Variants in RBFOX1 observed in about 807,000 individuals in gnomAD.
RBFOX1 encodes the protein RNA binding fox-1 homolog 1, also known as RNA binding protein fox-1 homolog 1.
In RBFOX1, 8 loss-of-function variants were observed where a neutral mutation model predicts 57.7. The observed-to-expected ratio is 0.14, with a 90% CI of 0.08 to 0.25. The LOEUF is 0.25. Among genes scored for constraint, RBFOX1 ranks in the 10% least tolerant of loss-of-function variants. The pLI is 1.00. For synonymous variants in RBFOX1, 326 were observed against 222.4 expected (o/e 1.47, Z -4.15); for missense variants, 611 against 548.5 (o/e 1.11, Z -1.14).
chr16:5,264,645 C>G (rs1240624596), intron 1 of RBFOX1, among the ~76,000 whole-genome samples: 1 of 151,890 alleles, frequency 6.6e-6, no homozygotes, highest in Non-Finnish European at 1.5e-5. Flanking sequence ...GTCATGTATC[C>G]AATTCTCCTG....
At chr16:6,337,198 C>G (rs1453674928) in intron 2 of RBFOX1, among the ~76,000 whole-genome samples, 1 of 152,136 alleles carries the variant, frequency 6.6e-6, no homozygotes, top group Non-Finnish European at 1.5e-5. Flanking sequence ...GTTGATTCCC[C>G]TTTTCTCTCA....
rs1034986 is a variant in RBFOX1 at position 7,510,355 on chromosome 16, G to A, written c.28-7792G>A. The A allele has an allele frequency of 1.0e-3, 997 of 983,940 alleles. 21 individuals carry two copies. The East Asian group carries it at 0.065, about 64-fold the overall frequency. The allele number at this position is 983,940 out of a possible 1,614,324, so 61.0% of individuals were successfully genotyped here. On this transcript the variant is annotated intron_variant, in intron 4 of 15. Coordinates refer to ENST00000550418, the MANE Select transcript of RBFOX1 (RefSeq NM_018723.4). ...TCCATTTAATCTTTCACTCAAAATT[G>A]CGATTTGAATGAAGCTGAAAGCTTT...
chr16:5,842,221 C>G (rs1288205213), intron 3 of RBFOX1, among the ~76,000 whole-genome samples: 3 of 152,148 alleles, frequency 2.0e-5, no homozygotes, highest in African/African-American at 7.2e-5. Flanking sequence ...GTTCTCAGCA[C>G]CGAGAGAATG....
At chr16:5,483,897 A>G (rs1309919737) in intron 2 of RBFOX1, among the ~76,000 whole-genome samples, 3 of 152,166 alleles carry the variant, frequency 2.0e-5, no homozygotes, top group Non-Finnish European at 4.4e-5. Context: ...AGGGCCATGC[A>G]TGGTGGCTCA....
rs566415251 is a variant in RBFOX1 at position 6,242,807 on chromosome 16, G to A, written c.-126-74188G>A. ...AATAAACACATAACCCTTGTTTTAA[G>A]CCCAGATGTCCTTTTAATTCTGACC... On this transcript the variant is annotated intron_variant, in intron 1 of 15. Transcript: ENST00000550418. Among the ~76,000 whole-genome samples the A allele has an allele frequency of 5.3e-5, 8 of 152,090 alleles. No individual in the cohort carries two copies. The East Asian group carries it at 1.4e-3, about 26-fold the overall frequency.
intron 4 of RBFOX1, among the ~76,000 whole-genome samples, chr16:7,403,733 A>G (rs1376703842): frequency 2.0e-5 from 3 of 151,948 alleles, no homozygotes; most frequent in Non-Finnish European, 2.9e-5. Flanking sequence ...TTTAGTAGAG[A>G]CAGGGTTTCA....
At chr16:6,730,990 T>C (rs181595098) in intron 3 of RBFOX1, among the ~76,000 whole-genome samples, 42 of 152,294 alleles carry the variant, frequency 2.8e-4, no homozygotes, top group African/African-American at 9.4e-4. Context: ...CTTTTGTTAG[T>C]ATCATTGATG....
At chr16:7,497,844 G>C (rs943042014) in intron 4 of RBFOX1, among the ~76,000 whole-genome samples, 3 of 152,202 alleles carry the variant, frequency 2.0e-5, no homozygotes, top group African/African-American at 7.2e-5. Flanking sequence ...GTTTTCAAGA[G>C]CCCTTCTCTG....
chr16:7,503,827 A>T (rs145016050), intron 4 of RBFOX1, among the ~76,000 whole-genome samples: 189 of 152,250 alleles, frequency 1.2e-3, no homozygotes, highest in African/African-American at 4.2e-3. Context: ...CCTTCTGTCC[A>T]TACAAGTATA....
rs116884895 is a variant in RBFOX1, at chr16:5,640,234, T to A, written c.318+41273T>A. 5.6e-3 allele frequency among the ~76,000 whole-genome samples: 846 copies of A among 152,294 alleles called. 3 individuals are homozygous for A. Among genetic ancestry groups the A allele is most frequent in the Middle Eastern group, 0.014 (4 of 294 alleles). On this transcript the variant is annotated intron_variant, in intron 3 of 19. Transcript: ENST00000641259. ...TTCCAAAGCACCCAAGAATCTATAT[T>A]AATGAAGGGACATTTTGCAGGAGCG... is the stretch of plus-strand genomic sequence containing the variant.
intron 8 of RBFOX1, among the ~76,000 whole-genome samples, chr16:7,596,096 T>G (rs1182891314): frequency 3.9e-4 from 1 of 2,558 alleles, no homozygotes; most frequent in Admixed American, 6.7e-3. Context: ...TTTTGTTTGT[T>G]TTTTTTTGTT....
rs4992676 is a variant in RBFOX1 at position 6,637,278 on chromosome 16, A to G, written c.-63-17325A>G. 8.5e-3 allele frequency among the ~76,000 whole-genome samples: 134 copies of G among 15,804 alleles called. 14 individuals are homozygous for G. The highest frequency in any genetic ancestry group is 0.031 in the East Asian group (16 of 514). The allele number at this position is 15,804 out of a possible 152,430, so 10.4% of individuals were successfully genotyped here. On this transcript the variant is annotated intron_variant, in intron 2 of 15. Coordinates refer to ENST00000550418, the MANE Select transcript of RBFOX1 (RefSeq NM_018723.4). ...TATAATATACAAATATATATTATATATTATATATAATATATAATATACAAA... is the reference window on the plus strand; with the variant it reads ...TATAATATACAAATATATATTATATGTTATATATAATATATAATATACAAA...
chr16:6,548,385 G>A (rs552581382), intron 2 of RBFOX1, among the ~76,000 whole-genome samples: 1 of 152,102 alleles, frequency 6.6e-6, no homozygotes, highest in Admixed American at 6.6e-5. Flanking sequence ...TTGTTGGGGG[G>A]TATGTAGTGT....
intron 3 of RBFOX1, among the ~76,000 whole-genome samples, chr16:7,005,888 A>G (rs146147496): frequency 6.4e-4 from 97 of 152,254 alleles, no homozygotes; most frequent in African/African-American, 1.9e-3. Context: ...GATAAGAACT[A>G]TGAAGATACC....
intron 2 of RBFOX1, among the ~76,000 whole-genome samples, chr16:6,578,849 G>A (rs1371999132): frequency 4.0e-5 from 6 of 151,828 alleles, no homozygotes; most frequent in Admixed American, 3.9e-4. Context: ...CTTTGCTCGA[G>A]GCATAAGAAT....
At chr16:5,681,726 T>C (rs374201318) in intron 3 of RBFOX1, among the ~76,000 whole-genome samples, 26 of 152,148 alleles carry the variant, frequency 1.7e-4, no homozygotes, top group African/African-American at 4.6e-4. Context: ...TAGGATAAAA[T>C]TGACGTAATG....
intron 1 of RBFOX1, among the ~76,000 whole-genome samples, chr16:5,276,458 A>G (rs2063142402): frequency 6.6e-6 from 1 of 152,234 alleles, no homozygotes; most frequent in Non-Finnish European, 1.5e-5. Flanking sequence ...GGAAATGCAA[A>G]TCAAAACCAC....
intron 4 of RBFOX1, among the ~76,000 whole-genome samples, chr16:7,337,236 A>C (rs2096805964): frequency 6.6e-6 from 1 of 152,110 alleles, no homozygotes; most frequent in Non-Finnish European, 1.5e-5. Flanking sequence ...CCACCAAGCT[A>C]CCCTCTAGGT....
chr16:7,238,401 C>G (rs1567842394), intron 4 of RBFOX1, among the ~76,000 whole-genome samples: 1 of 152,100 alleles, frequency 6.6e-6, no homozygotes, highest in African/African-American at 2.4e-5. Context: ...CTGCCAGCTG[C>G]CCTTGTCTAA....
Sources: gnomAD v4.1 joint callset for allele counts (sites outside exome capture counted in the v4.1 genomes callset) on GRCh38, gnomAD v4.1.1 for gene constraint, MANE v1.5 for transcripts, NCBI Gene and HGNC (gene_info 2026-07-23, HGNC 2026-07-21) for gene names.